Variants in OCA2 observed in about 807,000 individuals in gnomAD.
OCA2 encodes the protein P protein.
OCA2 carries 77 observed loss-of-function variants against 100.2 expected under a neutral mutation model. The ratio of observed to expected loss-of-function variants is 0.77; its 90% CI spans 0.64 to 0.93. OCA2 has a LOEUF of 0.93. Among genes scored for constraint, OCA2 ranks in the 40% least tolerant of loss-of-function variants. OCA2 has a pLI of 0.00. For synonymous variants in OCA2, 432 were observed against 439.2 expected, an observed-to-expected ratio of 0.98 and a Z score of 0.21; for missense variants, 1,062 against 1,089.1, an observed-to-expected ratio of 0.98 and a Z score of 0.35.
intron 23 of OCA2, among the ~76,000 whole-genome samples, chr15:27,780,069 T>A (rs564861582): frequency 6.6e-6 from 1 of 152,330 alleles, no homozygotes; most frequent in African/African-American, 2.4e-5. Flanking sequence ...AGGGTGAGCA[T>A]GACTGAAAGC....
At chr15:27,927,213 T>C (rs926773518) in intron 18 of OCA2, among the ~76,000 whole-genome samples, 31 of 152,058 alleles carry the variant, frequency 2.0e-4, no homozygotes, top group African/African-American at 6.8e-4. Flanking sequence ...TGCTTGAACC[T>C]GGGAGGCAGA....
Position 27,957,228 on chromosome 15 carries a change from G to A in OCA2, c.1784+360C>T, listed in dbSNP as rs1466614693. 2.0e-5 allele frequency among the ~76,000 whole-genome samples: 3 copies of A among 152,190 alleles called. No homozygotes were observed. Among genetic ancestry groups the A allele is most frequent in the African/African-American group, 7.2e-5 (3 of 41,440 alleles). On this transcript the variant is annotated intron_variant, in intron 16 of 23. Coordinates refer to ENST00000354638, the MANE Select transcript of OCA2 (RefSeq NM_000275.3). The surrounding 1 kb of genome is among the most constrained non-coding windows in gnomAD (Gnocchi z 4.3). Reference sequence around the variant, plus strand: ...AGAATATTTTGTCAAATTAGTCTTTGCATTAATGGTTTTTGGTTTTTGTCG... The same window carrying A: ...AGAATATTTTGTCAAATTAGTCTTTACATTAATGGTTTTTGGTTTTTGTCG...
Position 28,072,084 on chromosome 15 carries a change from C to A in OCA2, c.227+9564G>T, listed in dbSNP as rs2044276364. Among the ~76,000 whole-genome samples, 3 of 152,212 alleles carry A rather than the reference C, an allele frequency of 2.0e-5. No individual in the cohort carries two copies. The South Asian group carries it at 6.2e-4, about 32-fold the overall frequency. On this transcript the variant is annotated intron_variant, in intron 2 of 23. Coordinates refer to ENST00000354638, the MANE Select transcript of OCA2 (RefSeq NM_000275.3). The stretch of plus-strand genomic sequence containing the variant: ...ATCAACAAGCAAAAAACAAGTAACC[C>A]CGGCCGGGCACAGTGGCTCACGCCT...
intron 19 of OCA2, among the ~76,000 whole-genome samples, chr15:27,917,837 C>G (rs2038721156): frequency 6.6e-6 from 1 of 152,056 alleles, no homozygotes; most frequent in Admixed American, 6.5e-5. Flanking sequence ...GTTGATTGTC[C>G]CTTTTGGGCC....
At chr15:27,903,388 G>A (rs2038040116) in intron 19 of OCA2, among the ~76,000 whole-genome samples, 1 of 152,230 alleles carries the variant, frequency 6.6e-6, no homozygotes, top group Non-Finnish European at 1.5e-5. Context: ...CTGTGCAGGG[G>A]ACCCTGCCTC....
At chr15:27,989,218 A>G in intron 11 of OCA2, among the ~76,000 whole-genome samples, 1 of 152,346 alleles carries the variant, frequency 6.6e-6, no homozygotes, top group Admixed American at 6.5e-5. Flanking sequence ...GTAAACACCC[A>G]ACTAATACTT....
the OCA2 span, among the ~76,000 whole-genome samples, chr15:27,747,139 C>T: frequency 1.3e-5 from 2 of 152,196 alleles, no homozygotes; most frequent in South Asian, 2.1e-4. Context: ...GCACCTCCAG[C>T]CCCCCACCAC....
downstream of OCA2, among the ~76,000 whole-genome samples, chr15:27,753,742 G>GAA (rs1281077992): frequency 1.3e-5 from 2 of 150,932 alleles, no homozygotes; most frequent in East Asian, 3.9e-4. Flanking sequence ...ATCTCAAAAA[G>GAA]AAAAAAGAAA....
chr15:27,884,460 C>G (rs1323618541), intron 19 of OCA2, among the ~76,000 whole-genome samples: 6 of 152,196 alleles, frequency 3.9e-5, no homozygotes, highest in African/African-American at 1.4e-4. Flanking sequence ...TCCCAGTAAA[C>G]TTACTAATGA....
At chr15:27,747,853 C>T in the OCA2 span, among the ~76,000 whole-genome samples, 1 of 152,110 alleles carries the variant, frequency 6.6e-6, no homozygotes, top group East Asian at 1.9e-4. Context: ...CTATTTCTGC[C>T]TGTTGCTCCC....
At chr15:27,792,792 C>T (rs1433146181) in intron 23 of OCA2, among the ~76,000 whole-genome samples, 1 of 152,182 alleles carries the variant, frequency 6.6e-6, no homozygotes, top group Non-Finnish European at 1.5e-5. Context: ...GTCCCATGGC[C>T]CAATAAAACT....
chr15:27,949,921 C>T (rs529734953), intron 18 of OCA2, among the ~76,000 whole-genome samples: 20 of 152,206 alleles, frequency 1.3e-4, no homozygotes, highest in Admixed American at 1.3e-3. Context: ...GATAAAATCA[C>T]CTGAACACAA....
At chr15:27,720,244 C>G in the OCA2 span, among the ~76,000 whole-genome samples, 1 of 151,666 alleles carries the variant, frequency 6.6e-6, no homozygotes, top group African/African-American at 2.4e-5. Flanking sequence ...AATGAATAAG[C>G]AAATTGTGAT....
chr15:27,955,191 A>G lies in OCA2; in HGVS notation c.1809T>C (p.Asn603=). The change falls in exon 17 of 24, where the codon AAT becomes AAC. Residue 603 remains asparagine (N), a synonymous_variant. Coordinates refer to ENST00000354638, the MANE Select transcript of OCA2 (RefSeq NM_000275.3). ...GGAGTTCTTGGATATTGGTCTCCCA[A>G]TTTTTGTCCTCCTGTGAGATCTGTC... ...FHRQISQEDK[N]WETNIQELQK... is the part of the protein sequence containing the mutation. 6.8e-6 allele frequency: 11 copies of G among 1,612,524 alleles called. No individual in the cohort carries two copies. The highest frequency in any genetic ancestry group is 1.1e-5 in the South Asian group (1 of 91,032).
At chr15:28,018,809 G>C (rs1237630408) in intron 6 of OCA2, among the ~76,000 whole-genome samples, 1 of 152,144 alleles carries the variant, frequency 6.6e-6, no homozygotes, top group East Asian at 1.9e-4. Flanking sequence ...CCAGGGAAAG[G>C]GTGCATCCTT....
intron 9 of OCA2, among the ~76,000 whole-genome samples, 165 bp from the exon 10 acceptor site, chr15:27,990,812 A>G (rs1017962786): frequency 1.3e-5 from 2 of 152,228 alleles, no homozygotes; most frequent in African/African-American, 4.8e-5. Context: ...CCCCACAGAC[A>G]CATACAGCTA....
rs2034503891 is a variant in OCA2 at position 27,821,577 on chromosome 15, A to T, written c.2432+23382T>A. 2.6e-5 allele frequency among the ~76,000 whole-genome samples: 4 copies of T among 151,998 alleles called. No homozygotes were observed. The South Asian group carries it at 6.2e-4, about 24-fold the overall frequency. ...CACATTCACACACACACAATCATGC[A>T]GACATGGGCCACACGTGTGTGCATC... On this transcript the variant is annotated intron_variant, in intron 23 of 23. Coordinates refer to ENST00000354638, the MANE Select transcript of OCA2 (RefSeq NM_000275.3).
chr15:27,939,907 CA>C (rs1336022820), intron 18 of OCA2, among the ~76,000 whole-genome samples: 1 of 152,226 alleles, frequency 6.6e-6, no homozygotes, highest in Non-Finnish European at 1.5e-5. Context: ...CTCCTCATTG[CA>C]GGTTTTCCTG....
At chr15:27,805,578 G>A (rs980625090) in intron 23 of OCA2, among the ~76,000 whole-genome samples, 2 of 152,184 alleles carry the variant, frequency 1.3e-5, no homozygotes, top group African/African-American at 4.8e-5. Flanking sequence ...GGGTGTTGGC[G>A]GGAGGGGAGG....
Sources: allele counts gnomAD v4.1 joint callset (sites outside exome capture counted in the v4.1 genomes callset), GRCh38; gene constraint gnomAD v4.1.1; non-coding constraint Gnocchi (gnomAD v3.1); transcripts MANE v1.5; gene names NCBI Gene and HGNC (gene_info 2026-07-23, HGNC 2026-07-21).